CNTN3: variants seen among roughly 807,000 people sequenced by gnomAD.
The protein encoded by CNTN3 is contactin 3.
Under a neutral mutation model 119.1 loss-of-function variants are expected in CNTN3, and 60 were observed. That is an observed-to-expected ratio of 0.50 (90% CI 0.41 to 0.62). CNTN3 has a LOEUF of 0.62. CNTN3 is among the 20% of genes least tolerant of loss of function. The pLI, the probability that CNTN3 is intolerant of heterozygous loss-of-function variation, is 0.00. For missense variants in CNTN3, 1,101 were observed against 1,242.4 expected (o/e 0.89, Z 1.71); for synonymous variants, 450 against 438.7 (o/e 1.03, Z -0.32).
At chr3:74,348,364 G>A (rs1703740398) in intron 11 of CNTN3, among the ~76,000 whole-genome samples, 1 of 152,158 alleles carries the variant, frequency 6.6e-6, no homozygotes, top group Non-Finnish European at 1.5e-5. Flanking sequence ...GGGGGAGAAA[G>A]TAAAGTCTAA....
At chr3:74,378,325 T>A (rs561703734) in intron 5 of CNTN3, among the ~76,000 whole-genome samples, 7 of 152,352 alleles carry the variant, frequency 4.6e-5, no homozygotes, top group Non-Finnish European at 7.3e-5. Context: ...AAGACATCTA[T>A]CAGCATGTTT....
intron 20 of CNTN3, among the ~76,000 whole-genome samples, chr3:74,268,325 G>A (rs2106744671): frequency 6.6e-6 from 1 of 152,240 alleles, no homozygotes; most frequent in South Asian, 2.1e-4. Context: ...TTCAACAACA[G>A]CATCACAATT....
chr3:74,499,602 T>C, intron 3 of CNTN3, 57 bp downstream of exon 3: 2 of 1,497,610 alleles, frequency 1.3e-6, no homozygotes, highest in Non-Finnish European at 1.8e-6. Flanking sequence ...AAATTCACAA[T>C]CACCACATAA....
At chr3:74,608,932 G>A (rs1258390005) in intron 1 of CNTN3, among the ~76,000 whole-genome samples, 1 of 152,150 alleles carries the variant, frequency 6.6e-6, no homozygotes. Flanking sequence ...AGTCTAGGGG[G>A]ACAGTCAAGG....
intron 6 of CNTN3, among the ~76,000 whole-genome samples, chr3:74,370,856 A>G (rs1704318142): frequency 6.6e-6 from 1 of 152,122 alleles, no homozygotes; most frequent in East Asian, 1.9e-4. Flanking sequence ...AGGTGACTTC[A>G]TGGGAGTGCA....
At position 74,573,768 on chromosome 3, in the gene CNTN3, TA is replaced by T. The variant is rs201652402; in HGVS notation, c.-81+40622del. Among the ~76,000 whole-genome samples, 330 of 139,690 alleles carry T rather than the reference TA, an allele frequency of 2.4e-3. 1 individual carries two copies. The highest frequency in any genetic ancestry group is 8.2e-3 in the East Asian group (40 of 4,862). 91.6% of individuals were successfully genotyped at this position (139,690 alleles called of 152,430 possible). ...CCACACTCACAGTGATAGCCGTAATTAAAAAAAAAAAAAGAGGAAAATAACA... is the reference window on the plus strand; with the variant it reads ...CCACACTCACAGTGATAGCCGTAATTAAAAAAAAAAAAGAGGAAAATAACA... On this transcript the variant is annotated intron_variant, in intron 1 of 22. Coordinates refer to ENST00000263665, the MANE Select transcript of CNTN3 (RefSeq NM_020872.3).
At chr3:74,470,299 G>A (rs7372975) in intron 4 of CNTN3, among the ~76,000 whole-genome samples, 3 of 151,992 alleles carry the variant, frequency 2.0e-5, no homozygotes, top group Non-Finnish European at 4.4e-5. Context: ...CTAGAAACAC[G>A]GAATTGTATA....
chr3:74,383,076 C>A (rs899467275), intron 5 of CNTN3, among the ~76,000 whole-genome samples: 1 of 152,126 alleles, frequency 6.6e-6, no homozygotes, highest in African/African-American at 2.4e-5. Context: ...TCACAATTTC[C>A]ACTACTTGGG....
intron 20 of CNTN3, among the ~76,000 whole-genome samples, chr3:74,284,963 G>C (rs780813065): frequency 1.3e-5 from 2 of 152,160 alleles, no homozygotes; most frequent in Non-Finnish European, 2.9e-5. Context: ...ACTTATTCAT[G>C]CTTATCAGAA....
intron 1 of CNTN3, among the ~76,000 whole-genome samples, chr3:74,540,116 G>A (rs1703822438): frequency 6.6e-6 from 1 of 152,128 alleles, no homozygotes; most frequent in Non-Finnish European, 1.5e-5. Flanking sequence ...CATGTTTGAA[G>A]AAGTATATAG....
chr3:74,493,019 T>C (rs1702996443), intron 3 of CNTN3, among the ~76,000 whole-genome samples: 1 of 152,148 alleles, frequency 6.6e-6, no homozygotes, highest in African/African-American at 2.4e-5. Flanking sequence ...AACCTCCGCA[T>C]AGTCTTCACG....
At chr3:74,593,129 T>C (rs570504214) in intron 1 of CNTN3, among the ~76,000 whole-genome samples, 3 of 152,098 alleles carry the variant, frequency 2.0e-5, no homozygotes, top group African/African-American at 4.8e-5. Flanking sequence ...GAGAGTTTTA[T>C]AGCTTGGCAA....
At chr3:74,527,613 A>G (rs1403514137) in intron 1 of CNTN3, among the ~76,000 whole-genome samples, 1 of 151,958 alleles carries the variant, frequency 6.6e-6, no homozygotes, top group African/African-American at 2.4e-5. Flanking sequence ...GACAAGACAC[A>G]GTTACCTAAT....
chr3:74,308,388 A>T (rs965538968), intron 13 of CNTN3, among the ~76,000 whole-genome samples: 4 of 152,164 alleles, frequency 2.6e-5, no homozygotes, highest in Non-Finnish European at 5.9e-5. Flanking sequence ...TAATATCAAA[A>T]TTTGCTTGAC....
chr3:74,547,660 T>C (rs1205586180), intron 1 of CNTN3, among the ~76,000 whole-genome samples: 1 of 152,178 alleles, frequency 6.6e-6, no homozygotes, highest in Non-Finnish European at 1.5e-5. Context: ...GCTGTTTATA[T>C]AGAAATATAA....
chr3:74,280,485 G>A (rs548456053), intron 20 of CNTN3, among the ~76,000 whole-genome samples: 1 of 152,328 alleles, frequency 6.6e-6, no homozygotes, highest in Non-Finnish European at 1.5e-5. Context: ...TCAATGAGAA[G>A]CCTACTTAGC....
intron 20 of CNTN3, among the ~76,000 whole-genome samples, chr3:74,279,997 A>G (rs552774442): frequency 9.9e-4 from 151 of 152,262 alleles, no homozygotes; most frequent in African/African-American, 1.1e-3. Flanking sequence ...ACATTTTTAT[A>G]TAACTTAAAG....
At chr3:74,478,504 T>G (rs369431020) in intron 4 of CNTN3, among the ~76,000 whole-genome samples, 1 of 152,128 alleles carries the variant, frequency 6.6e-6, no homozygotes. Context: ...CCCCAAGGCC[T>G]CTTTTCTACT....
chr3:74,424,795 T>C lies in CNTN3; in HGVS notation c.454+50A>G, dbSNP rs960447304. 7.5e-6 allele frequency: 11 copies of C among 1,475,152 alleles called. No individual in the cohort carries two copies. In the Middle Eastern group the frequency reaches 6.9e-4, roughly 92 times the overall value. 91.4% of individuals were successfully genotyped at this position (1,475,152 alleles called of 1,614,324 possible). ...AATAACAGTACATGCGCTGCAGGCC[T>C]TGCCCTGAACCTTAATAAATATGAA... On this transcript the variant is annotated intron_variant, in intron 5 of 22. Coordinates refer to ENST00000263665, the MANE Select transcript of CNTN3 (RefSeq NM_020872.3).
Sources: allele counts gnomAD v4.1 joint callset (sites outside exome capture counted in the v4.1 genomes callset), GRCh38; gene constraint gnomAD v4.1.1; transcripts MANE v1.5; gene names NCBI Gene and HGNC (gene_info 2026-07-23, HGNC 2026-07-21).